Variants in ABCA12 observed in about 807,000 individuals in gnomAD.
ABCA12 encodes the protein glucosylceramide transporter ABCA12.
In ABCA12, 156 loss-of-function variants were observed where a neutral mutation model predicts 293.5. The observed-to-expected ratio is 0.53, with a 90% CI of 0.47 to 0.61. The LOEUF (loss-of-function observed/expected upper bound fraction) is 0.61. ABCA12 is among the 20% of genes least tolerant of loss of function. The probability of loss-of-function intolerance (pLI) is 0.00; values close to 1 mark genes in which losing one functional copy is unlikely to be tolerated. For missense variants in ABCA12, 2,797 were observed against 3,090.2 expected, an observed-to-expected ratio of 0.91 and a Z score of 2.25; for synonymous variants, 1,063 against 1,108.0, an observed-to-expected ratio of 0.96 and a Z score of 0.81.
intron 49 of ABCA12, among the ~76,000 whole-genome samples, chr2:214,944,022 T>C (rs1698495154): frequency 6.6e-6 from 1 of 152,198 alleles, no homozygotes; most frequent in African/African-American, 2.4e-5. Context: ...GTATCTCCTA[T>C]ACTTAGCTGA....
intron 2 of ABCA12, among the ~76,000 whole-genome samples, chr2:215,076,747 T>G (rs1189089192): frequency 1.3e-5 from 2 of 152,126 alleles, no homozygotes; most frequent in East Asian, 1.9e-4. Context: ...ACAAATAGAT[T>G]GTGATATATT....
chr2:215,112,709 G>A (rs1463542889), intron 1 of ABCA12, among the ~76,000 whole-genome samples: 1 of 151,850 alleles, frequency 6.6e-6, no homozygotes, highest in Non-Finnish European at 1.5e-5. Flanking sequence ...TCTTGGCTAG[G>A]CTGGTCTTGA....
intron 45 of ABCA12, among the ~76,000 whole-genome samples, chr2:214,949,367 T>TACACAC (rs1698679795): frequency 6.8e-6 from 1 of 146,068 alleles, no homozygotes; most frequent in African/African-American, 2.7e-5. Flanking sequence ...AATATATATA[T>TACACAC]ATATATATAT....
At position 215,025,463 on chromosome 2, in the gene ABCA12, A is replaced by G. The variant is rs1700717378; in HGVS notation, c.1287+210T>C. ...GGCATGAGCCACGGCATCCAGCCAT[A>G]AACTCTTTTGTCACCATTTTTCTAG... On this transcript the variant is annotated intron_variant, in intron 11 of 52. Transcript: ENST00000272895. The G allele has an allele frequency of 9.5e-5, 48 of 505,298 alleles. 2 individuals carry two copies. The South Asian group carries it at 1.0e-3, about 11-fold the overall frequency. 31.3% of individuals were successfully genotyped at this position (505,298 alleles called of 1,614,324 possible).
chr2:215,020,208 TA>T (rs1348315601), intron 11 of ABCA12, among the ~76,000 whole-genome samples: 4 of 149,282 alleles, frequency 2.7e-5, no homozygotes, highest in African/African-American at 1.0e-4. Flanking sequence ...AGATGACTAC[TA>T]TTTAAAAAAA....
chr2:215,122,692 A>T (rs73076525), intron 1 of ABCA12, among the ~76,000 whole-genome samples: 7,299 of 152,288 alleles, frequency 0.048, 575 homozygotes, highest in African/African-American at 0.17. Flanking sequence ...ATAAACAACT[A>T]AAGTTAATTT....
At chr2:215,025,889 T>A in intron 10 of ABCA12, 110 bp from the exon 11 acceptor site, 1 of 732,966 alleles carries the variant, frequency 1.4e-6, no homozygotes, top group Non-Finnish European at 2.4e-6. Flanking sequence ...CCTAAGATAA[T>A]AGCCTACCTC....
chr2:214,948,403 A>G (rs1017025199), intron 47 of ABCA12, among the ~76,000 whole-genome samples, 193 bp downstream of exon 47: 1 of 152,002 alleles, frequency 6.6e-6, no homozygotes, highest in African/African-American at 2.4e-5. Flanking sequence ...TCATAGGTGC[A>G]TATATAATGC....
At chr2:215,126,617 T>C (rs998067027) in intron 1 of ABCA12, among the ~76,000 whole-genome samples, 1 of 152,150 alleles carries the variant, frequency 6.6e-6, no homozygotes, top group African/African-American at 2.4e-5. Flanking sequence ...TTGAATGATC[T>C]TTTGTATTTC....
In ABCA12 at chr2:214,953,971, G is replaced by T. The variant is rs1470226824; in HGVS notation, c.6530C>A (p.Pro2177Gln). 1 of 1,614,016 alleles carries T rather than the reference G, an allele frequency of 6.2e-7. No homozygotes were observed. Among genetic ancestry groups the T allele is most frequent in the Non-Finnish European group, 8.5e-7 (1 of 1,179,982 alleles). Residue 2177 changes from proline (P) to glutamine (Q), a missense_variant, in exon 44 of 53, where the codon CCA (proline) becomes CAA (glutamine). Transcript: ENST00000272895. ...DFLKAYGVEY[P>Q]NETFEMNKLG... ...TTTATTCATCTCAAAGGTTTCATTT[G>T]GGTATTCCACTCCATATGCTTTTAA... is the stretch of plus-strand genomic sequence containing the variant.
intron 8 of ABCA12, among the ~76,000 whole-genome samples, chr2:215,036,682 T>C (rs1701001376): frequency 6.6e-6 from 1 of 152,190 alleles, no homozygotes; most frequent in Non-Finnish European, 1.5e-5. Flanking sequence ...CCTGATTTTT[T>C]TTTTCTATAC....
intron 6 of ABCA12, among the ~76,000 whole-genome samples, 186 bp from the exon 7 acceptor site, chr2:215,046,201 AT>A (rs1701198983): frequency 6.6e-6 from 1 of 152,130 alleles, no homozygotes; most frequent in African/African-American, 2.4e-5. Context: ...CTTAAACATA[AT>A]TGGATCTTTT....
rs1202274737 is a variant in ABCA12 at position 214,988,285 on chromosome 2, G to A, written c.3830-492C>T. Among the ~76,000 whole-genome samples the A allele has an allele frequency of 2.0e-5, 3 of 152,184 alleles. No individual in the cohort carries two copies. In the East Asian group the frequency reaches 5.8e-4, roughly 29 times the overall value. Reference sequence around the variant, plus strand: ...TATCATTTCTCTCATAACAATGCATGCTGTTGGCCTACTTGTCTTATTATT... The same window carrying A: ...TATCATTTCTCTCATAACAATGCATACTGTTGGCCTACTTGTCTTATTATT... On this transcript the variant is annotated intron_variant, in intron 26 of 52. Transcript: ENST00000272895.
chr2:214,964,930 G>A (rs187470576), intron 39 of ABCA12, among the ~76,000 whole-genome samples: 1 of 152,204 alleles, frequency 6.6e-6, no homozygotes, highest in East Asian at 1.9e-4. Flanking sequence ...ACAATCCTAA[G>A]TAAAAAGAAC....
intron 2 of ABCA12, among the ~76,000 whole-genome samples, chr2:215,076,142 C>A (rs1701829040): frequency 6.6e-6 from 1 of 152,158 alleles, no homozygotes; most frequent in South Asian, 2.1e-4. Context: ...TCAGACTTGA[C>A]TTTTTTCCTC....
intron 23 of ABCA12, among the ~76,000 whole-genome samples, chr2:214,995,992 A>G (rs1700024346): frequency 6.6e-6 from 1 of 152,206 alleles, no homozygotes; most frequent in Admixed American, 6.5e-5. Context: ...GCCCGAGTGT[A>G]TATGGCTGGT....
rs1559121367 is a variant in ABCA12, at chr2:214,970,208, CTT to C, written c.5690+63_5690+64del. On this transcript the variant is annotated intron_variant, in intron 37 of 52. Coordinates refer to ENST00000272895, the MANE Select transcript of ABCA12 (RefSeq NM_173076.3). The stretch of plus-strand genomic sequence containing the variant: ...CAATAGAAATTTGTATCTATTGTCT[CTT>C]TAGAAGGCAGCTACCATTAAAATTA... The C allele has an allele frequency of 2.6e-6, 4 of 1,515,282 alleles. No individual in the cohort carries two copies. In the African/African-American group the frequency reaches 5.6e-5, roughly 21 times the overall value. 93.9% of individuals were successfully genotyped at this position (1,515,282 alleles called of 1,614,324 possible).
intron 1 of ABCA12, among the ~76,000 whole-genome samples, chr2:215,121,857 T>G (rs1702811651): frequency 6.6e-6 from 1 of 152,190 alleles, no homozygotes; most frequent in South Asian, 2.1e-4. Context: ...TCTTTGCTCC[T>G]TCTTTGCCTT....
At chr2:215,083,593 T>C (rs751112968) in intron 2 of ABCA12, among the ~76,000 whole-genome samples, 3 of 152,216 alleles carry the variant, frequency 2.0e-5, no homozygotes, top group African/African-American at 4.8e-5. Context: ...AAGTTTCTTT[T>C]GGATGAATGT....
Sources: gnomAD v4.1 joint callset for allele counts (sites outside exome capture counted in the v4.1 genomes callset) on GRCh38, gnomAD v4.1.1 for gene constraint, MANE v1.5 for transcripts, NCBI Gene and HGNC (gene_info 2026-07-23, HGNC 2026-07-21) for gene names.